Variants in ROBO2 observed in about 807,000 individuals in gnomAD.
The protein encoded by ROBO2 is roundabout homolog 2.
Under a neutral mutation model 160.8 loss-of-function variants are expected in ROBO2, and 53 were observed. That is an observed-to-expected ratio of 0.33 (90% CI 0.26 to 0.41). The LOEUF (loss-of-function observed/expected upper bound fraction) is 0.41, where lower values mean the gene tolerates loss of function less well. ROBO2 is among the 10% of genes least tolerant of loss of function. The pLI is 1.00. For synonymous variants in ROBO2, 664 were observed against 611.7 expected, an observed-to-expected ratio of 1.09 and a Z score of -1.26; for missense variants, 1,577 against 1,722.4, an observed-to-expected ratio of 0.92 and a Z score of 1.49.
At chr3:76,274,891 C>T (rs534751308) in intron 2 of ROBO2, among the ~76,000 whole-genome samples, 3 of 150,858 alleles carry the variant, frequency 2.0e-5, no homozygotes, top group Non-Finnish European at 4.4e-5. Context: ...TAATCATATA[C>T]CCAAAAAGGT....
intron 2 of ROBO2, among the ~76,000 whole-genome samples, chr3:77,333,223 G>A (rs541188144): frequency 6.6e-6 from 1 of 152,270 alleles, no homozygotes; most frequent in South Asian, 2.1e-4. Context: ...AGAGGTTATA[G>A]CTTTAGATTT....
intron 2 of ROBO2, among the ~76,000 whole-genome samples, chr3:76,425,251 A>G (rs2076165368): frequency 6.6e-6 from 1 of 151,370 alleles, no homozygotes; most frequent in South Asian, 2.1e-4. Flanking sequence ...TTGCCTTCTG[A>G]CTTTCCCAAA....
intron 2 of ROBO2, among the ~76,000 whole-genome samples, chr3:76,469,981 C>A (rs1211969552): frequency 1.3e-5 from 2 of 152,276 alleles, no homozygotes; most frequent in South Asian, 2.1e-4. Flanking sequence ...TACTATTCTG[C>A]AAGCCAGCTT....
chr3:76,037,327 G>A (rs986089100), intron 2 of ROBO2, among the ~76,000 whole-genome samples: 10 of 148,514 alleles, frequency 6.7e-5, no homozygotes, highest in African/African-American at 2.5e-4. Flanking sequence ...GCGCGATCTC[G>A]GCTCACTGCA....
intron 2 of ROBO2, among the ~76,000 whole-genome samples, chr3:76,141,545 T>C (rs1054775679): frequency 1.3e-5 from 2 of 151,678 alleles, no homozygotes; most frequent in African/African-American, 4.8e-5. Context: ...GAAAAATAAT[T>C]AGTAGAAAAT....
At chr3:75,936,591 A>G (rs9310352) in intron 1 of ROBO2, among the ~76,000 whole-genome samples, 5 of 152,082 alleles carry the variant, frequency 3.3e-5, no homozygotes, top group African/African-American at 9.6e-5. Context: ...ACTATTGTAC[A>G]TGTTTACATA....
chr3:77,434,498 C>T (rs1040552869), intron 2 of ROBO2, among the ~76,000 whole-genome samples: 3 of 151,962 alleles, frequency 2.0e-5, no homozygotes, highest in African/African-American at 4.8e-5. Flanking sequence ...ATTAATGTGC[C>T]GACTGAATGA....
chr3:77,131,775 CT>C, intron 2 of ROBO2, among the ~76,000 whole-genome samples: 1 of 152,022 alleles, frequency 6.6e-6, no homozygotes, highest in East Asian at 1.9e-4. Flanking sequence ...TCTCCATTCT[CT>C]TTTTATAATT....
At position 77,209,350 on chromosome 3, in the gene ROBO2, A is replaced by G. The variant is rs148670462; in HGVS notation, c.388+111010A>G. 2.8e-3 allele frequency among the ~76,000 whole-genome samples: 428 copies of G among 152,338 alleles called. 4 individuals are homozygous for G. The highest frequency in any genetic ancestry group is 9.9e-3 in the African/African-American group (412 of 41,590). ...AAAAAGGTTAATGGATTAGTGTCAC[A>G]TAAAAACATCTTAACTGAAGGCAAA... is the stretch of plus-strand genomic sequence containing the variant. On this transcript the variant is annotated intron_variant, in intron 2 of 25. Coordinates refer to ENST00000461745, the Ensembl canonical transcript of ROBO2.
chr3:76,271,844 G>A (rs992040513), intron 2 of ROBO2, among the ~76,000 whole-genome samples: 15 of 151,788 alleles, frequency 9.9e-5, no homozygotes, highest in African/African-American at 3.1e-4. Flanking sequence ...AATCAGACTC[G>A]ATAAATACTA....
chr3:77,159,468 C>G (rs1232043641), intron 2 of ROBO2, among the ~76,000 whole-genome samples: 4 of 151,858 alleles, frequency 2.6e-5, no homozygotes, highest in Non-Finnish European at 5.9e-5. Flanking sequence ...GCAGTCCTTA[C>G]CCAGCTCTTC....
chr3:76,394,575 T>C (rs527784786), intron 2 of ROBO2, among the ~76,000 whole-genome samples: 205 of 152,230 alleles, frequency 1.3e-3, no homozygotes, highest in African/African-American at 4.7e-3. Flanking sequence ...GTTTCAACTT[T>C]AATGAATCTG....
intron 2 of ROBO2, among the ~76,000 whole-genome samples, chr3:76,062,587 A>T (rs772820086): frequency 2.6e-5 from 4 of 152,174 alleles, no homozygotes; most frequent in African/African-American, 4.8e-5. Flanking sequence ...ACATATGCTT[A>T]TATGAGGGTT....
At chr3:77,299,166 A>C (rs1354071652) in intron 2 of ROBO2, among the ~76,000 whole-genome samples, 1 of 152,220 alleles carries the variant, frequency 6.6e-6, no homozygotes. Flanking sequence ...CATTTTTTAA[A>C]ATATAAGTTG....
intron 2 of ROBO2, among the ~76,000 whole-genome samples, chr3:76,633,396 T>C (rs1263963618): frequency 1.3e-5 from 2 of 152,160 alleles, no homozygotes; most frequent in Non-Finnish European, 2.9e-5. Context: ...AAGAGTCACT[T>C]TTATTTTGGG....
At chr3:76,283,378 C>G (rs144764892) in intron 2 of ROBO2, among the ~76,000 whole-genome samples, 1,766 of 151,598 alleles carry the variant, frequency 0.012, 32 homozygotes, top group African/African-American at 0.04. Context: ...ACCACCTTTT[C>G]CTGTTCTCCA....
At chr3:77,527,378 C>A (rs898057390) in intron 6 of ROBO2, 25 bp from the exon 7 acceptor site, 6 of 1,286,064 alleles carry the variant, frequency 4.7e-6, no homozygotes, top group Non-Finnish European at 6.1e-6. Flanking sequence ...TTTATGTTCT[C>A]ACCACACCAT....
intron 2 of ROBO2, among the ~76,000 whole-genome samples, chr3:76,470,340 G>A (rs139418009): frequency 5.2e-4 from 79 of 152,238 alleles, no homozygotes; most frequent in Admixed American, 9.8e-4. Flanking sequence ...TTGTCCCAAG[G>A]GTTGACAAAG....
At chr3:77,597,402 G>T (rs1330065120) in intron 19 of ROBO2, among the ~76,000 whole-genome samples, 2 of 152,164 alleles carry the variant, frequency 1.3e-5, no homozygotes, top group Non-Finnish European at 2.9e-5. Context: ...CTGTGGGTTT[G>T]TAAGGAGACA....
Sources: gnomAD v4.1 joint callset for allele counts (sites outside exome capture counted in the v4.1 genomes callset) on GRCh38, gnomAD v4.1.1 for gene constraint, MANE v1.5 for transcripts, NCBI Gene and HGNC (gene_info 2026-07-23, HGNC 2026-07-21) for gene names.